GLI2: variants seen among roughly 807,000 people sequenced by gnomAD.
GLI2 encodes the protein GLI family zinc finger 2.
A neutral mutation model predicts 78.9 loss-of-function variants in GLI2; 22 were observed. The observed-to-expected ratio is 0.28, with a 90% CI of 0.20 to 0.40. The LOEUF is 0.40. Ranked by LOEUF, GLI2 falls within the 10% of genes least tolerant of loss-of-function variation. The pLI, the probability that GLI2 is intolerant of heterozygous loss-of-function variation, is 1.00. For missense variants in GLI2, 2,097 were observed against 2,213.2 expected (o/e 0.95, Z 1.05); for synonymous variants, 974 against 963.7 (o/e 1.01, Z -0.20).
At chr2:120,923,169 C>T (rs1178691358) in intron 2 of GLI2, among the ~76,000 whole-genome samples, 1 of 151,568 alleles carries the variant, frequency 6.6e-6, no homozygotes, top group African/African-American at 2.4e-5. Flanking sequence ...AACATACACA[C>T]ACCACCTCCA....
Position 120,977,279 on chromosome 2 carries a change from A to AT in GLI2, c.1318-1152dup, listed in dbSNP as rs530759025. 1.6e-4 allele frequency among the ~76,000 whole-genome samples: 24 copies of AT among 152,368 alleles called. No individual in the cohort carries two copies. The South Asian group carries it at 4.3e-3, about 28-fold the overall frequency. On this transcript the variant is annotated intron_variant, in intron 9 of 13. Transcript: ENST00000361492. ...TGTAATTTACATTTCCTAGGAGTGC[A>AT]TTTAAAAGTAAAAAGAAACAGGTGA...
intron 1 of GLI2, among the ~76,000 whole-genome samples, chr2:120,743,996 C>T (rs1278175497): frequency 6.6e-6 from 1 of 152,222 alleles, no homozygotes; most frequent in Non-Finnish European, 1.5e-5. Context: ...TGCTCAGGTA[C>T]CTCTGGGATG....
Position 120,990,555 on chromosome 2 carries a change from C to G in GLI2, c.4590C>G (p.Pro1530=). Residue 1530 remains proline, a synonymous_variant, in exon 14 of 14, where the codon CCC becomes CCG. Transcript: ENST00000361492. ...AGAACTCCTCCCGCCTCACCACCCCCCGAAACTCCTTGACCCTGCCCTCCA... is the reference window on the plus strand; with the variant it reads ...AGAACTCCTCCCGCCTCACCACCCCGCGAAACTCCTTGACCCTGCCCTCCA... The part of the protein sequence containing the change: ...LSQNSSRLTT[P]RNSLTLPSIP... 1 of 1,614,118 alleles carries G rather than the reference C, an allele frequency of 6.2e-7. No homozygotes were observed.
chr2:120,855,534 C>G (rs1363675922), intron 2 of GLI2, among the ~76,000 whole-genome samples: 2 of 152,210 alleles, frequency 1.3e-5, no homozygotes, highest in East Asian at 3.9e-4. Flanking sequence ...CTTCCCATCA[C>G]TAAGGATATT....
intron 2 of GLI2, among the ~76,000 whole-genome samples, chr2:120,825,059 C>A (rs1320741698): frequency 6.6e-6 from 1 of 152,130 alleles, no homozygotes; most frequent in Non-Finnish European, 1.5e-5. Flanking sequence ...TGGTCTCGAA[C>A]TCCTGACCTC....
At chr2:120,981,027 C>T (rs538088344) in intron 10 of GLI2, among the ~76,000 whole-genome samples, 23 of 152,134 alleles carry the variant, frequency 1.5e-4, no homozygotes, top group Middle Eastern at 6.8e-3. Flanking sequence ...ATTACAGGCA[C>T]GCACCACACG....
At chr2:120,793,910 C>T (rs1189933241) in intron 1 of GLI2, among the ~76,000 whole-genome samples, 3 of 152,220 alleles carry the variant, frequency 2.0e-5, no homozygotes, top group Admixed American at 6.5e-5. Context: ...GCAGCTCACT[C>T]CCCATGGGGG....
chr2:120,821,032 A>C (rs895488), intron 2 of GLI2, among the ~76,000 whole-genome samples: 150,647 of 152,122 alleles, frequency 0.99, 74,600 homozygotes, highest in Middle Eastern at 1. Context: ...CGACCCACCC[A>C]CCTCCTCGAG....
chr2:120,782,468 T>C (rs182864390), intron 1 of GLI2, among the ~76,000 whole-genome samples: 6 of 152,316 alleles, frequency 3.9e-5, no homozygotes, highest in Admixed American at 6.5e-5. Context: ...GTTAGCTCCA[T>C]TTTCCATGAC....
chr2:120,831,533 G>A (rs1012221484), intron 2 of GLI2, among the ~76,000 whole-genome samples: 14 of 152,226 alleles, frequency 9.2e-5, no homozygotes, highest in Non-Finnish European at 1.8e-4. Context: ...ATAAAAGCCA[G>A]GCTCAGAGTA....
intron 1 of GLI2, among the ~76,000 whole-genome samples, chr2:120,741,596 C>CCCTCCCGTTCCCTCCGCCT (rs1682541697): frequency 6.6e-6 from 1 of 152,050 alleles, no homozygotes; most frequent in African/African-American, 2.4e-5. Flanking sequence ...TCCCATCTTT[C>CCCTCCCGTTCCCTCCGCCT]CCTCCCGTTC....
At chr2:120,863,659 A>C (rs938718452) in intron 2 of GLI2, among the ~76,000 whole-genome samples, 3 of 152,238 alleles carry the variant, frequency 2.0e-5, no homozygotes, top group Non-Finnish European at 2.9e-5. Flanking sequence ...ATATTATGTT[A>C]CATTATTTTT....
intron 2 of GLI2, among the ~76,000 whole-genome samples, chr2:120,868,811 G>A (rs1207298866): frequency 6.6e-6 from 1 of 152,196 alleles, no homozygotes; most frequent in Non-Finnish European, 1.5e-5. Context: ...TGCATTTTGT[G>A]GGGAGACTTT....
chr2:120,779,366 G>C (rs1052724786), intron 1 of GLI2, among the ~76,000 whole-genome samples: 4 of 152,190 alleles, frequency 2.6e-5, no homozygotes, highest in Admixed American at 2.6e-4. Flanking sequence ...CCAGTGCTGG[G>C]CAGTAGGGCC....
chr2:120,798,272 C>A (rs1268461155), intron 2 of GLI2, among the ~76,000 whole-genome samples: 1 of 152,226 alleles, frequency 6.6e-6, no homozygotes, highest in African/African-American at 2.4e-5. Flanking sequence ...TTGGGCAGCG[C>A]CCCTCACACT....
At chr2:120,894,551 G>A (rs1010523909) in intron 2 of GLI2, among the ~76,000 whole-genome samples, 3 of 152,054 alleles carry the variant, frequency 2.0e-5, no homozygotes, top group Non-Finnish European at 4.4e-5. Flanking sequence ...GCCAGGGGTG[G>A]GGGCTAATCT....
At chr2:120,752,567 C>A (rs1682910882) in intron 1 of GLI2, among the ~76,000 whole-genome samples, 1 of 152,110 alleles carries the variant, frequency 6.6e-6, no homozygotes, top group Non-Finnish European at 1.5e-5. Context: ...CCGCACCTGG[C>A]CCTATCTTTA....
intron 2 of GLI2, among the ~76,000 whole-genome samples, chr2:120,806,675 C>T (rs544874084): frequency 1.3e-5 from 2 of 152,282 alleles, no homozygotes; most frequent in East Asian, 1.9e-4. Flanking sequence ...TGCGGGGAGG[C>T]GCAGAGATGG....
rs1423564697 is a variant in GLI2, at chr2:120,989,461, T to G, written c.3496T>G (p.Tyr1166Asp). The G allele has an allele frequency of 2.5e-6, 4 of 1,612,972 alleles. No individual in the cohort carries two copies. The highest frequency in any genetic ancestry group is 2.7e-5 in the African/African-American group (2 of 74,946). ...VVQQKPAFGQ[Y>D]PGYSPQGLQA... ...GCAGCAGAAGCCTGCCTTTGGCCAG[T>G]ACCCGGGCTACAGTCCGCAAGGCCT... Residue 1166 changes from tyrosine to aspartate, a missense_variant, in exon 14 of 14, where the codon TAC becomes GAC. Tyr to Asp is a radical substitution (Grantham distance 160). Coordinates refer to ENST00000361492, the MANE Select transcript of GLI2 (RefSeq NM_001374353.1).
Sources: allele counts gnomAD v4.1 joint callset (sites outside exome capture counted in the v4.1 genomes callset), GRCh38; gene constraint gnomAD v4.1.1; transcripts MANE v1.5; gene names NCBI Gene and HGNC (gene_info 2026-07-23, HGNC 2026-07-21).